Variants in VPS37A observed in about 807,000 individuals in gnomAD.
VPS37A encodes the protein vacuolar protein sorting-associated protein 37A.
A neutral mutation model predicts 49.8 loss-of-function variants in VPS37A; 30 were observed. That is an observed-to-expected ratio of 0.60 (90% CI 0.45 to 0.82). The LOEUF (loss-of-function observed/expected upper bound fraction) is 0.82, where lower values mean the gene tolerates loss of function less well. VPS37A is among the 40% of genes least tolerant of loss of function. The pLI, the probability that VPS37A is intolerant of heterozygous loss-of-function variation, is 0.00. For synonymous variants in VPS37A, 195 were observed against 160.6 expected, an observed-to-expected ratio of 1.21 and a Z score of -1.62; for missense variants, 593 against 464.4, an observed-to-expected ratio of 1.28 and a Z score of -2.55.
chr8:17,305,644 TAGGTATGTGACTAAATG>T, downstream of VPS37A: 1 of 825,422 alleles, frequency 1.2e-6, no homozygotes, highest in Non-Finnish European at 1.9e-6. Context: ...TCTGTCAGTA[TAGGTATGTGACTAAATG>T]AAAAAAGTCT....
intron 1 of VPS37A, among the ~76,000 whole-genome samples, chr8:17,261,583 C>G (rs1585953862): frequency 6.6e-6 from 1 of 152,146 alleles, no homozygotes; most frequent in Non-Finnish European, 1.5e-5. Flanking sequence ...CTGGTCTTCT[C>G]TCTCTGGCTT....
At chr8:17,279,882 A>T in intron 6 of VPS37A, 146 bp from the exon 7 acceptor site, 2 of 897,802 alleles carry the variant, frequency 2.2e-6, no homozygotes, top group Non-Finnish European at 3.6e-6. Flanking sequence ...ATTTGATTTT[A>T]AGGTTAAAAC....
chr8:17,264,800 A>G (rs1813291917), intron 1 of VPS37A, among the ~76,000 whole-genome samples: 1 of 152,184 alleles, frequency 6.6e-6, no homozygotes, highest in African/African-American at 2.4e-5. Flanking sequence ...ACCTCACCTC[A>G]TTAATACTAC....
Position 17,296,228 on chromosome 8 carries a change from C to T in VPS37A, c.*1242C>T, listed in dbSNP as rs1040814769. ...CAAAATTATTTTGTTAGAATTAAAACATGCTTAATATTTAGTCTGTTTGTG... is the reference window on the plus strand; with the variant it reads ...CAAAATTATTTTGTTAGAATTAAAATATGCTTAATATTTAGTCTGTTTGTG... On this transcript the variant is annotated 3_prime_UTR_variant, in exon 12 of 12. Transcript: ENST00000324849. 5 of 152,114 alleles carry T rather than the reference C, an allele frequency of 3.3e-5. No individual in the cohort carries two copies. Among genetic ancestry groups the T allele is most frequent in the African/African-American group, 1.2e-4 (5 of 41,418 alleles). 9.4% of individuals were successfully genotyped at this position (152,114 alleles called of 1,614,324 possible). A position where few individuals can be genotyped will look rare whatever the true frequency, so the allele number is the denominator to read the frequency against.
Position 17,284,612 on chromosome 8 carries a change from G to C in VPS37A, c.1109G>C (p.Arg370Thr). Residue 370 changes from arginine (R) to threonine (T), a missense_variant, in exon 10 of 12, where the codon AGA (arginine) becomes ACA (threonine). Physicochemically the swap from Arg to Thr is moderately conservative, Grantham distance 71. Coordinates refer to ENST00000324849, the MANE Select transcript of VPS37A (RefSeq NM_152415.3). The stretch of plus-strand genomic sequence containing the variant: ...TTTCTCAGTAGCTTCATGGAAAAGA[G>C]AACAGTATGTAATACTCGTCAGTTG... ...DDFLSSFMEKRTICHCRRAKE... is the reference protein window; with the variant it reads ...DDFLSSFMEKTTICHCRRAKE... 1 of 1,599,932 alleles carries C rather than the reference G, an allele frequency of 6.3e-7. No individual in the cohort carries two copies. The highest frequency in any genetic ancestry group is 8.5e-7 in the Non-Finnish European group (1 of 1,175,528).
chr8:17,284,110 C>T (rs1198682839), intron 9 of VPS37A, among the ~76,000 whole-genome samples: 2 of 152,156 alleles, frequency 1.3e-5, no homozygotes, highest in Admixed American at 1.3e-4. Flanking sequence ...AGCCCACACT[C>T]AATGGTGGGA....
At position 17,247,165 on chromosome 8, in the gene VPS37A, G is replaced by T; in HGVS notation, c.-80G>T. On this transcript the variant is annotated 5_prime_UTR_variant, in exon 1 of 12. Coordinates refer to ENST00000324849, the MANE Select transcript of VPS37A (RefSeq NM_152415.3). Reference sequence around the variant, plus strand: ...GGACGTCCCACCCCGCTCCTCTGTCGCTGGAGAACCGCCGGGCCGAGCCAC... The same window carrying T: ...GGACGTCCCACCCCGCTCCTCTGTCTCTGGAGAACCGCCGGGCCGAGCCAC... 3.2e-6 allele frequency: 5 copies of T among 1,542,154 alleles called. No individual in the cohort carries two copies. The highest frequency in any genetic ancestry group is 2.0e-5 in the Admixed American group (1 of 50,748).
At chr8:17,279,557 A>G (rs1049396655) in intron 6 of VPS37A, among the ~76,000 whole-genome samples, 5 of 152,154 alleles carry the variant, frequency 3.3e-5, no homozygotes, top group Non-Finnish European at 7.4e-5. Flanking sequence ...AATTTAAGAA[A>G]TAAGTGATAT....
intron 9 of VPS37A, 71 bp downstream of exon 9, chr8:17,280,514 C>G: frequency 2.9e-6 from 4 of 1,365,152 alleles, no homozygotes; most frequent in Non-Finnish European, 4.0e-6. Flanking sequence ...GTCCTGATCT[C>G]ACTTTCATTA....
chr8:17,265,548 G>C (rs1302039481), intron 1 of VPS37A, among the ~76,000 whole-genome samples: 1 of 152,228 alleles, frequency 6.6e-6, no homozygotes, highest in Non-Finnish European at 1.5e-5. Context: ...AATAGTGGCA[G>C]TTAAAACCCA....
chr8:17,265,506 G>T (rs111830717), intron 1 of VPS37A, among the ~76,000 whole-genome samples: 117 of 152,286 alleles, frequency 7.7e-4, no homozygotes, highest in African/African-American at 2.7e-3. Flanking sequence ...AAGCTGTTAA[G>T]ACCCAGACTT....
At chr8:17,299,200 C>A (rs377176515), downstream of VPS37A, 1 of 152,140 alleles carries the variant, frequency 6.6e-6, no homozygotes, top group African/African-American at 2.4e-5. Context: ...AAGTGAGATA[C>A]AAGGTTTAGC....
At chr8:17,257,096 T>G (rs147974913) in intron 1 of VPS37A, among the ~76,000 whole-genome samples, 14 of 152,336 alleles carry the variant, frequency 9.2e-5, no homozygotes, top group African/African-American at 3.1e-4. Context: ...TCTTATTTGA[T>G]TTTTGTGTAT....
intron 5 of VPS37A, among the ~76,000 whole-genome samples, 195 bp from the exon 6 acceptor site, chr8:17,276,202 T>A (rs550116295): frequency 9.9e-5 from 15 of 151,806 alleles, no homozygotes; most frequent in African/African-American, 3.1e-4. Context: ...AAAAAAGTAA[T>A]CCTATGTATA....
rs779303711 is a variant in VPS37A at position 17,268,944 on chromosome 8, C to T, written c.404C>T (p.Thr135Ile). The part of the protein sequence containing the change: ...KNPPVLAPTS[T>I]AFPYLYSNPS... ...CCTCCAGTTTTAGCTCCTACTTCAACAGCATTTCCTTAGTAAGTATATTTC... is the reference window on the plus strand; with the variant it reads ...CCTCCAGTTTTAGCTCCTACTTCAATAGCATTTCCTTAGTAAGTATATTTC... Residue 135 changes from threonine to isoleucine, a missense_variant, in exon 4 of 12, where the codon ACA becomes ATA. Physicochemically the swap from Thr to Ile is moderately conservative, Grantham distance 89. Coordinates refer to ENST00000324849, the MANE Select transcript of VPS37A (RefSeq NM_152415.3). The T allele has an allele frequency of 4.4e-6, 7 of 1,601,924 alleles. No individual in the cohort carries two copies. The highest frequency in any genetic ancestry group is 1.7e-6 in the Non-Finnish European group (2 of 1,174,400).
chr8:17,265,231 C>T (rs761169316), intron 1 of VPS37A, among the ~76,000 whole-genome samples: 1 of 152,094 alleles, frequency 6.6e-6, no homozygotes, highest in Admixed American at 6.6e-5. Flanking sequence ...GCAGGAAGGG[C>T]AAAATGGGCT....
At chr8:17,253,183 TC>T (rs908092018) in intron 1 of VPS37A, among the ~76,000 whole-genome samples, 44 of 152,190 alleles carry the variant, frequency 2.9e-4, no homozygotes, top group Admixed American at 1.8e-3. Context: ...CATCTGCCCC[TC>T]CCCCCAACCT....
chr8:17,294,099 A>G (rs577005523), intron 11 of VPS37A, among the ~76,000 whole-genome samples: 1 of 152,282 alleles, frequency 6.6e-6, no homozygotes, highest in African/African-American at 2.4e-5. Context: ...TGGGAGTTTT[A>G]TCTATAAGCC....
At chr8:17,290,273 A>T (rs571538632) in intron 11 of VPS37A, among the ~76,000 whole-genome samples, 2 of 152,282 alleles carry the variant, frequency 1.3e-5, no homozygotes, top group African/African-American at 4.8e-5. Context: ...TTCAAAGGCA[A>T]TGCTTCCAGC....
Sources: gnomAD v4.1 joint callset for allele counts (sites outside exome capture counted in the v4.1 genomes callset) on GRCh38, gnomAD v4.1.1 for gene constraint, MANE v1.5 for transcripts, NCBI Gene and HGNC (gene_info 2026-07-23, HGNC 2026-07-21) for gene names.